The following SIL1 variants were observed in gnomAD, a reference collection of about 807,000 sequenced individuals.
The protein encoded by SIL1 is SIL1 nucleotide exchange factor.
Under a neutral mutation model 49.1 loss-of-function variants are expected in SIL1, and 40 were observed. That is an observed-to-expected ratio of 0.81 (90% CI 0.63 to 1.06). SIL1 has a LOEUF of 1.06. SIL1 is among the 50% of genes least tolerant of loss of function. The pLI, the probability that SIL1 is intolerant of heterozygous loss-of-function variation, is 0.00. For synonymous variants in SIL1, 253 were observed against 250.8 expected (o/e 1.01, Z -0.08); for missense variants, 500 against 572.6 (o/e 0.87, Z 1.29).
rs1003729639 is a variant in SIL1 at position 138,977,465 on chromosome 5, CT to C, written c.768-25582del. On this transcript the variant is annotated intron_variant, in intron 7 of 9. Transcript: ENST00000394817. ...TCTCCCGCAAAGCAATCAGAGGAAT[CT>C]TTTTTTTTTCCTCCTTTTTTTCTTT... Among the ~76,000 whole-genome samples the C allele has an allele frequency of 1.0e-4, 15 of 149,984 alleles. 1 individual carries two copies. Among genetic ancestry groups the C allele is most frequent in the South Asian group, 8.5e-4 (4 of 4,712 alleles).
chr5:139,005,352 T>A (rs977879530), intron 7 of SIL1, among the ~76,000 whole-genome samples: 19 of 151,914 alleles, frequency 1.3e-4, no homozygotes, highest in African/African-American at 4.6e-4. Context: ...ATACTTTTGA[T>A]AAAATCTTAT....
At chr5:139,033,666 T>C (rs1245441944) in intron 5 of SIL1, among the ~76,000 whole-genome samples, 1 of 152,108 alleles carries the variant, frequency 6.6e-6, no homozygotes, top group Non-Finnish European at 1.5e-5. Context: ...TTTGATTCCA[T>C]TATAATGAGA....
At chr5:139,166,554 G>A (rs1218496433) in intron 1 of SIL1, among the ~76,000 whole-genome samples, 1 of 152,208 alleles carries the variant, frequency 6.6e-6, no homozygotes, top group Non-Finnish European at 1.5e-5. Context: ...CTACTTGGAA[G>A]GCTGAGGCAG....
At chr5:139,058,284 G>A (rs932755467) in intron 3 of SIL1, among the ~76,000 whole-genome samples, 9 of 151,950 alleles carry the variant, frequency 5.9e-5, no homozygotes, top group South Asian at 2.1e-4. Flanking sequence ...TTGACCACTC[G>A]TGGTCTGGAG....
chr5:139,097,898 G>C (rs1770505046), intron 3 of SIL1, among the ~76,000 whole-genome samples: 3 of 152,132 alleles, frequency 2.0e-5, no homozygotes, highest in African/African-American at 4.8e-5. Context: ...AGAAGTGAAA[G>C]ATCTCTACAA....
intron 2 of SIL1, 73 bp downstream of exon 2, chr5:139,127,666 A>G (rs759530677): frequency 8.1e-6 from 10 of 1,237,636 alleles, no homozygotes; most frequent in Admixed American, 2.0e-5. Context: ...TACTCCCACA[A>G]CAGCCCTGGT....
chr5:139,153,821 T>A (rs114933423), intron 1 of SIL1, among the ~76,000 whole-genome samples: 1 of 152,240 alleles, frequency 6.6e-6, no homozygotes, highest in African/African-American at 2.4e-5. Context: ...TATCGGAATG[T>A]AGGTGTTGTT....
rs185484314 is a variant in SIL1 at position 139,032,741 on chromosome 5, G to A, written c.454-5749C>T. On this transcript the variant is annotated intron_variant, in intron 5 of 9. Coordinates refer to ENST00000394817, the MANE Select transcript of SIL1 (RefSeq NM_022464.5). ...CACTACAAATTCAAGTTTTTTTAAT[G>A]GTTATAGGACTACTCGTATTATTTC... Among the ~76,000 whole-genome samples, 187 of 152,240 alleles carry A rather than the reference G, an allele frequency of 1.2e-3. 2 individuals carry two copies. In the East Asian group the frequency reaches 0.03, roughly 24 times the overall value.
intron 6 of SIL1, among the ~76,000 whole-genome samples, chr5:139,023,182 G>A (rs1267165808): frequency 1.3e-5 from 2 of 152,176 alleles, no homozygotes; most frequent in African/African-American, 4.8e-5. Flanking sequence ...CACTAACAGT[G>A]AGGAAGAAAC....
In SIL1 at chr5:139,004,179, GT is replaced by G. The variant is rs1768057629; in HGVS notation, c.767+16991del. On this transcript the variant is annotated intron_variant, in intron 7 of 9. Transcript: ENST00000394817. The stretch of plus-strand genomic sequence containing the variant: ...CGCCTGCTTTAATTTTTAATTATTA[GT>G]TTTTGAGATAGGGTCTTGTTATGTT... 2.0e-5 allele frequency among the ~76,000 whole-genome samples: 3 copies of G among 152,238 alleles called. No homozygotes were observed. The South Asian group carries it at 6.2e-4, about 32-fold the overall frequency.
chr5:139,005,533 T>C (rs1768096875), intron 7 of SIL1, among the ~76,000 whole-genome samples: 2 of 142,322 alleles, frequency 1.4e-5, no homozygotes, highest in Non-Finnish European at 3.1e-5. Context: ...ACATGTGCCA[T>C]GCTGGTGCGC....
At chr5:138,965,362 C>T (rs561870519) in intron 7 of SIL1, among the ~76,000 whole-genome samples, 1 of 152,306 alleles carries the variant, frequency 6.6e-6, no homozygotes, top group South Asian at 2.1e-4. Flanking sequence ...CTGGGATTTA[C>T]TTCTTTGAGT....
chr5:139,176,700 T>C (rs1324465139), intron 1 of SIL1, among the ~76,000 whole-genome samples: 1 of 151,996 alleles, frequency 6.6e-6, no homozygotes, highest in African/African-American at 2.4e-5. Context: ...TCGGGCCTCT[T>C]TTATAAGGGC....
At chr5:139,188,101 A>G (rs1416985248) in intron 1 of SIL1, 2 of 152,182 alleles carry the variant, frequency 1.3e-5, no homozygotes, top group Non-Finnish European at 2.9e-5. Flanking sequence ...TTTATAAATT[A>G]CCCATTCTCA....
chr5:139,070,885 G>A (rs1769816596), intron 3 of SIL1, among the ~76,000 whole-genome samples: 1 of 151,776 alleles, frequency 6.6e-6, no homozygotes. Context: ...ATATATATGG[G>A]GAAATACCTC....
chr5:139,188,259 C>T (rs1235711395), intron 1 of SIL1, among the ~76,000 whole-genome samples: 1 of 152,120 alleles, frequency 6.6e-6, no homozygotes, highest in African/African-American at 2.4e-5. Flanking sequence ...GAGGGCGCTT[C>T]TGTAATAATT....
At chr5:139,152,375 C>G (rs955752413) in intron 1 of SIL1, among the ~76,000 whole-genome samples, 3 of 152,132 alleles carry the variant, frequency 2.0e-5, no homozygotes, top group Non-Finnish European at 4.4e-5. Flanking sequence ...AATCCCAGCA[C>G]TTTAGGAGGC....
chr5:139,182,557 G>C (rs948930455), intron 1 of SIL1, among the ~76,000 whole-genome samples: 1 of 152,184 alleles, frequency 6.6e-6, no homozygotes, highest in African/African-American at 2.4e-5. Context: ...GGACGGCAAA[G>C]AATATATAAA....
chr5:138,972,524 T>C (rs79437772), intron 7 of SIL1, among the ~76,000 whole-genome samples: 2,758 of 152,266 alleles, frequency 0.018, 88 homozygotes, highest in African/African-American at 0.063. Flanking sequence ...CACAATTTAC[T>C]ACAGCTGTTA....
Sources: gnomAD v4.1 joint callset for allele counts (sites outside exome capture counted in the v4.1 genomes callset) on GRCh38, gnomAD v4.1.1 for gene constraint, MANE v1.5 for transcripts, NCBI Gene and HGNC (gene_info 2026-07-23, HGNC 2026-07-21) for gene names.